The following RHAG variants were observed in gnomAD, a reference collection of about 807,000 sequenced individuals.
RHAG encodes the protein ammonium transporter Rh type A.
A neutral mutation model predicts 42.4 loss-of-function variants in RHAG; 25 were observed. The ratio of observed to expected loss-of-function variants is 0.59; its 90% CI spans 0.43 to 0.82. RHAG has a LOEUF of 0.82. Ranked by LOEUF, RHAG falls within the 40% of genes least tolerant of loss-of-function variation. The probability of loss-of-function intolerance (pLI) is 0.00; values close to 1 mark genes in which losing one functional copy is unlikely to be tolerated. For synonymous variants in RHAG, 182 were observed against 177.7 expected, an observed-to-expected ratio of 1.02 and a Z score of -0.19; for missense variants, 483 against 504.6, an observed-to-expected ratio of 0.96 and a Z score of 0.41.
chr6:49,623,080 C>A (rs900477022), intron 1 of RHAG, among the ~76,000 whole-genome samples: 1 of 152,086 alleles, frequency 6.6e-6, no homozygotes, highest in African/African-American at 2.4e-5. Context: ...CCTCGTGATC[C>A]GCCCGCCTCG....
At position 49,636,728 on chromosome 6, in the gene RHAG, C is replaced by A. The variant is rs1269352016; in HGVS notation, c.85G>T (p.Asp29Tyr). The A allele has an allele frequency of 6.2e-7, 1 of 1,613,976 alleles. No individual in the cohort carries two copies. The highest frequency in any genetic ancestry group is 2.2e-5 in the East Asian group (1 of 44,884). Residue 29 changes from aspartate (D) to tyrosine (Y), a missense_variant, in exon 1 of 10, where the codon GAC (aspartate) becomes TAC (tyrosine). Physicochemically the swap from Asp to Tyr is radical, Grantham distance 160. Transcript: ENST00000371175. ...TTGAGCTGCTCGAGAACAGTCTGGTCCGTTTCATACTCAACAAATAATCCA... is the reference window on the plus strand; with the variant it reads ...TTGAGCTGCTCGAGAACAGTCTGGTACGTTTCATACTCAACAAATAATCCA... ...LFGLFVEYET[D>Y]QTVLEQLNIT... is the part of the protein sequence containing the mutation.
At chr6:49,620,816 C>T (rs1292670066) in intron 1 of RHAG, among the ~76,000 whole-genome samples, 1 of 152,148 alleles carries the variant, frequency 6.6e-6, no homozygotes, top group East Asian at 1.9e-4. Context: ...CAGGTGTGAC[C>T]CACCATGCCC....
rs75185838 is a variant in RHAG at position 49,616,633 on chromosome 6, G to A, written c.493-862C>T. On this transcript the variant is annotated intron_variant, in intron 3 of 9. Coordinates refer to ENST00000371175, the MANE Select transcript of RHAG (RefSeq NM_000324.3). The stretch of plus-strand genomic sequence containing the variant: ...TTCCTCTAGAGGGAATACTCAAAGG[G>A]TCAAATTGTACTTATAGACAGTAAG... 3.7e-3 allele frequency among the ~76,000 whole-genome samples: 566 copies of A among 152,174 alleles called. 4 individuals carry two copies. Among genetic ancestry groups the A allele is most frequent in the African/African-American group, 0.013 (543 of 41,518 alleles).
chr6:49,606,904 G>A lies in RHAG; in HGVS notation c.1156C>T (p.Pro386Ser). ...TGGTCAGATGGCTGTCCCCAGAGAG[G>A]CAACTTTAGAATTAAACCTGTGACG... ...GLMTGLILKL[P>S]LWGQPSDQNC... The change falls in exon 9 of 10, where the codon CCT becomes TCT. Residue 386 changes from proline to serine, a missense_variant. Transcript: ENST00000371175. The A allele has an allele frequency of 1.2e-6, 2 of 1,611,668 alleles. No individual in the cohort carries two copies. The highest frequency in any genetic ancestry group is 1.7e-6 in the Non-Finnish European group (2 of 1,177,906).
intron 6 of RHAG, among the ~76,000 whole-genome samples, chr6:49,611,577 G>A (rs928305608): frequency 8.6e-5 from 13 of 151,938 alleles, no homozygotes; most frequent in Non-Finnish European, 1.3e-4. Context: ...GAAATTTTAC[G>A]TAGAGCACAG....
intron 1 of RHAG, among the ~76,000 whole-genome samples, chr6:49,626,168 T>C (rs2127356553): frequency 6.6e-6 from 1 of 152,090 alleles, no homozygotes; most frequent in East Asian, 1.9e-4. Flanking sequence ...TTCCCAACCG[T>C]CCCCCAAAGT....
At chr6:49,614,004 C>A (rs529719273) in intron 5 of RHAG, among the ~76,000 whole-genome samples, 1 of 152,272 alleles carries the variant, frequency 6.6e-6, no homozygotes, top group South Asian at 2.1e-4. Flanking sequence ...TCATCCCACT[C>A]TCTTTTTCTG....
chr6:49,616,378 T>TA (rs1762656272), intron 3 of RHAG, among the ~76,000 whole-genome samples: 5 of 132,702 alleles, frequency 3.8e-5, no homozygotes, highest in Non-Finnish European at 3.2e-5. Flanking sequence ...AAAAAAAAGA[T>TA]ACTGCTTGCG....
chr6:49,636,336 C>A (rs532053159), intron 1 of RHAG, among the ~76,000 whole-genome samples: 3 of 152,064 alleles, frequency 2.0e-5, no homozygotes, highest in Admixed American at 1.3e-4. Flanking sequence ...GCAAAGGAAG[C>A]GTGATACTTT....
chr6:49,612,191 T>C (rs1762579593), intron 6 of RHAG, among the ~76,000 whole-genome samples: 1 of 152,216 alleles, frequency 6.6e-6, no homozygotes, highest in Non-Finnish European at 1.5e-5. Context: ...TAATTGATAC[T>C]GGATTCTTTC....
rs1237598303 is a variant in RHAG, at chr6:49,612,421, A to G, written c.921T>C (p.Ser307=). The G allele has an allele frequency of 6.2e-7, 1 of 1,614,086 alleles. No homozygotes were observed. The highest frequency in any genetic ancestry group is 8.5e-7 in the Non-Finnish European group (1 of 1,180,006). Residue 307 remains serine, a synonymous_variant, in exon 6 of 10, where the codon TCT becomes TCC. Coordinates refer to ENST00000371175, the MANE Select transcript of RHAG (RefSeq NM_000324.3). ...CAGTCAGGAACTTGTATCCAAGCAC[A>G]GAGACCATTCCTGCAATGCTCCCAA... ...MIIGSIAGMV[S]VLGYKFLTPL...
At position 49,618,109 on chromosome 6, in the gene RHAG, A is replaced by C; in HGVS notation, c.451T>G (p.Phe151Val). 6.2e-7 allele frequency: 1 copy of C among 1,614,004 alleles called. No homozygotes were observed. Among genetic ancestry groups the C allele is most frequent in the Non-Finnish European group, 8.5e-7 (1 of 1,179,876 alleles). ...ACCAGGTATTCATTGTGGGCAAAGA[A>C]AACAATTTCTAAAATTGTCATGATC... ...MLIMTILEIV[F>V]FAHNEYLVSE... Residue 151 changes from phenylalanine (F) to valine (V), a missense_variant, in exon 3 of 10, where the codon TTC becomes GTC. Transcript: ENST00000371175.
intron 1 of RHAG, among the ~76,000 whole-genome samples, chr6:49,631,616 T>C (rs1210982595): frequency 2.0e-5 from 3 of 152,196 alleles, no homozygotes; most frequent in Non-Finnish European, 2.9e-5. Context: ...TTGGGTTACC[T>C]TGTGCTTTCT....
At chr6:49,606,526 T>C (rs1260056488) in intron 9 of RHAG, among the ~76,000 whole-genome samples, 1 of 152,144 alleles carries the variant, frequency 6.6e-6, no homozygotes, top group Non-Finnish European at 1.5e-5. Flanking sequence ...TCAATTTCTT[T>C]CTATAAATAG....
intron 2 of RHAG, 144 bp from the exon 3 acceptor site, chr6:49,618,362 A>T: frequency 1.2e-6 from 1 of 801,118 alleles, no homozygotes; most frequent in African/African-American, 1.7e-5. Flanking sequence ...CCTCTTTTTG[A>T]CCAGACACTC....
At chr6:49,612,599 G>T in intron 5 of RHAG, 65 bp from the exon 6 acceptor site, 1 of 1,589,262 alleles carries the variant, frequency 6.3e-7, no homozygotes, top group East Asian at 2.2e-5. Flanking sequence ...AGGATCAGAG[G>T]ATTCTAGAGT....
At chr6:49,629,209 G>A (rs1444301536) in intron 1 of RHAG, among the ~76,000 whole-genome samples, 1 of 151,866 alleles carries the variant, frequency 6.6e-6, no homozygotes, top group Non-Finnish European at 1.5e-5. Flanking sequence ...GTGCTCATTG[G>A]TGTGTTTACA....
chr6:49,629,452 G>T (rs1052298035), intron 1 of RHAG, among the ~76,000 whole-genome samples: 3 of 152,196 alleles, frequency 2.0e-5, no homozygotes, highest in Admixed American at 6.5e-5. Flanking sequence ...CTTCTCCAAG[G>T]CCCCACCAGA....
At chr6:49,625,033 A>G (rs1325721532) in intron 1 of RHAG, among the ~76,000 whole-genome samples, 1 of 152,226 alleles carries the variant, frequency 6.6e-6, no homozygotes, top group African/African-American at 2.4e-5. Context: ...AACATCAGCA[A>G]TTGCTTTGAA....
Sources: gnomAD v4.1 joint callset for allele counts (sites outside exome capture counted in the v4.1 genomes callset) on GRCh38, gnomAD v4.1.1 for gene constraint, MANE v1.5 for transcripts, NCBI Gene and HGNC (gene_info 2026-07-23, HGNC 2026-07-21) for gene names.